DNM3: variants seen among roughly 807,000 people sequenced by gnomAD.
DNM3 encodes dynamin-3.
Under a neutral mutation model 101.6 loss-of-function variants are expected in DNM3, and 47 were observed. The ratio of observed to expected loss-of-function variants is 0.46; its 90% CI spans 0.37 to 0.59. The LOEUF (loss-of-function observed/expected upper bound fraction) is 0.59. Ranked by LOEUF, DNM3 falls within the 20% of genes least tolerant of loss-of-function variation. The pLI, the probability that DNM3 is intolerant of heterozygous loss-of-function variation, is 0.00. For missense variants in DNM3, 849 were observed against 1,085.7 expected, an observed-to-expected ratio of 0.78 and a Z score of 3.06; for synonymous variants, 385 against 387.9, an observed-to-expected ratio of 0.99 and a Z score of 0.09.
intron 14 of DNM3, among the ~76,000 whole-genome samples, chr1:172,234,287 A>G (rs1237602308): frequency 6.6e-6 from 1 of 152,148 alleles, no homozygotes; most frequent in East Asian, 1.9e-4. Context: ...CCCATTCACA[A>G]TTGCTTCAAA....
intron 16 of DNM3, among the ~76,000 whole-genome samples, chr1:172,318,000 C>G (rs1203528973): frequency 6.6e-6 from 1 of 152,152 alleles, no homozygotes; most frequent in Non-Finnish European, 1.5e-5. Flanking sequence ...AAAATACTGG[C>G]AAACTGAATC....
chr1:172,415,414 CTAT>C (rs1222805139), downstream of DNM3: 2 of 152,008 alleles, frequency 1.3e-5, no homozygotes, highest in East Asian at 3.8e-4. Context: ...AAGACTATTC[CTAT>C]TGCCTTTCTT....
At chr1:172,256,053 T>C (rs1487312106) in intron 15 of DNM3, among the ~76,000 whole-genome samples, 5 of 152,150 alleles carry the variant, frequency 3.3e-5, no homozygotes, top group African/African-American at 1.2e-4. Flanking sequence ...ATCCTTTGTC[T>C]CCTGGGATTA....
At chr1:172,232,581 A>G (rs2061381132) in intron 14 of DNM3, among the ~76,000 whole-genome samples, 1 of 152,222 alleles carries the variant, frequency 6.6e-6, no homozygotes, top group African/African-American at 2.4e-5. Flanking sequence ...TCAACAGAAT[A>G]TACATTCTTC....
At chr1:172,009,863 T>C (rs1208341871) in intron 4 of DNM3, among the ~76,000 whole-genome samples, 1 of 151,906 alleles carries the variant, frequency 6.6e-6, no homozygotes, top group East Asian at 1.9e-4. Flanking sequence ...AGTTTGTTGA[T>C]AGTGTTGTTT....
chr1:172,268,697 T>C (rs944291981), intron 15 of DNM3, among the ~76,000 whole-genome samples: 7 of 152,212 alleles, frequency 4.6e-5, no homozygotes, highest in Non-Finnish European at 8.8e-5. Flanking sequence ...AGCTAAGATA[T>C]ATTCTCATGA....
At chr1:172,263,773 G>A (rs191431305) in intron 15 of DNM3, among the ~76,000 whole-genome samples, 1 of 152,270 alleles carries the variant, frequency 6.6e-6, no homozygotes, top group East Asian at 1.9e-4. Flanking sequence ...TTCAAGATGA[G>A]ATTTGGGTGG....
chr1:172,381,855 G>T (rs2068924781), intron 18 of DNM3, among the ~76,000 whole-genome samples: 1 of 152,108 alleles, frequency 6.6e-6, no homozygotes, highest in South Asian at 2.1e-4. Flanking sequence ...TGTTCCTCCA[G>T]AATCAATAAA....
chr1:172,061,106 A>G (rs2051153960), intron 10 of DNM3, among the ~76,000 whole-genome samples: 1 of 148,264 alleles, frequency 6.7e-6, no homozygotes, highest in Non-Finnish European at 1.5e-5. Flanking sequence ...AATGCTCATC[A>G]TCACTGGCCA....
intron 15 of DNM3, among the ~76,000 whole-genome samples, chr1:172,280,821 G>T (rs186122288): frequency 6.6e-6 from 1 of 152,134 alleles, no homozygotes; most frequent in Non-Finnish European, 1.5e-5. Flanking sequence ...ACACATGCAT[G>T]CATACATGCA....
chr1:171,988,031 T>C (rs1313311822), intron 3 of DNM3, among the ~76,000 whole-genome samples: 1 of 152,194 alleles, frequency 6.6e-6, no homozygotes, highest in Non-Finnish European at 1.5e-5. Context: ...AAATTTTTTC[T>C]TCATTTTTAT....
chr1:172,236,829 C>T (rs1304183316), intron 14 of DNM3, among the ~76,000 whole-genome samples: 1 of 152,052 alleles, frequency 6.6e-6, no homozygotes, highest in African/African-American at 2.4e-5. Flanking sequence ...TTGCCACTAC[C>T]CTACTTCCTT....
At chr1:172,274,817 C>T (rs1179616098) in intron 15 of DNM3, among the ~76,000 whole-genome samples, 2 of 151,144 alleles carry the variant, frequency 1.3e-5, no homozygotes, top group Non-Finnish European at 2.9e-5. Flanking sequence ...GCATGAGACT[C>T]ACCTTATGAG....
intron 13 of DNM3, among the ~76,000 whole-genome samples, chr1:172,119,897 C>G (rs772656759): frequency 6.6e-6 from 1 of 152,186 alleles, no homozygotes; most frequent in Non-Finnish European, 1.5e-5. Flanking sequence ...GTCATACTAA[C>G]TTCTCTTCCT....
chr1:171,886,356 G>T (rs1007555765), intron 1 of DNM3, among the ~76,000 whole-genome samples: 10 of 152,104 alleles, frequency 6.6e-5, no homozygotes, highest in Non-Finnish European at 1.2e-4. Flanking sequence ...CCACTTAATG[G>T]GTATATAATA....
At chr1:172,275,669 CAT>C (rs61040580) in intron 15 of DNM3, among the ~76,000 whole-genome samples, 1,860 of 152,168 alleles carry the variant, frequency 0.012, 35 homozygotes, top group African/African-American at 0.042. Context: ...TGGAAACACA[CAT>C]AGTGTACTCA....
In DNM3 at chr1:172,329,889, C is replaced by T. The variant is rs150064697; in HGVS notation, c.1893+6549C>T. ...CTAATTAATATATGACAAAAAGTTTCAATTTCACTAGGAACCAAGAAGTGT... is the reference window on the plus strand; with the variant it reads ...CTAATTAATATATGACAAAAAGTTTTAATTTCACTAGGAACCAAGAAGTGT... On this transcript the variant is annotated intron_variant, in intron 17 of 20. Coordinates refer to ENST00000627582, the MANE Select transcript of DNM3 (RefSeq NM_015569.5). 2.1e-3 allele frequency among the ~76,000 whole-genome samples: 322 copies of T among 152,268 alleles called. 2 individuals carry two copies. Among genetic ancestry groups the T allele is most frequent in the African/African-American group, 7.6e-3 (314 of 41,558 alleles).
chr1:171,970,443 G>A (rs1275191110), intron 2 of DNM3, among the ~76,000 whole-genome samples: 2 of 152,012 alleles, frequency 1.3e-5, no homozygotes, highest in Admixed American at 1.3e-4. Flanking sequence ...GGTATTAACA[G>A]TACTTAATAT....
intron 2 of DNM3, among the ~76,000 whole-genome samples, chr1:171,950,971 C>T (rs2042485924): frequency 6.6e-6 from 1 of 152,094 alleles, no homozygotes; most frequent in Admixed American, 6.6e-5. Flanking sequence ...CTTCCTCCTC[C>T]ATTTTTTGGA....
Sources: gnomAD v4.1 joint callset for allele counts (sites outside exome capture counted in the v4.1 genomes callset) on GRCh38, gnomAD v4.1.1 for gene constraint, MANE v1.5 for transcripts, NCBI Gene and HGNC (gene_info 2026-07-23, HGNC 2026-07-21) for gene names.